The following VAV2 variants were observed in gnomAD, a reference collection of about 807,000 sequenced individuals.
VAV2 encodes guanine nucleotide exchange factor VAV2.
Under a neutral mutation model 132.5 loss-of-function variants are expected in VAV2, and 67 were observed. That is an observed-to-expected ratio of 0.51 (90% CI 0.42 to 0.62). The LOEUF is 0.62. Ranked by LOEUF, VAV2 falls within the 20% of genes least tolerant of loss-of-function variation. The pLI is 0.00. For missense variants in VAV2, 938 were observed against 1,153.6 expected (o/e 0.81, Z 2.71); for synonymous variants, 492 against 443.5 (o/e 1.11, Z -1.37).
At chr9:133,861,476 C>T (rs1243389611) in intron 2 of VAV2, 44 bp from the exon 3 acceptor site, 1 of 1,604,888 alleles carries the variant, frequency 6.2e-7, no homozygotes, top group East Asian at 2.2e-5. Context: ...TCACAAGAAA[C>T]CAGAAAGGCA....
chr9:133,895,218 T>G (rs1264843848), intron 2 of VAV2, among the ~76,000 whole-genome samples: 1 of 151,496 alleles, frequency 6.6e-6, no homozygotes, highest in Non-Finnish European at 1.5e-5. Context: ...TCTATGGAGA[T>G]CTCTGAGGGC....
rs1279512680 is a variant in VAV2 at position 133,863,371 on chromosome 9, G to A, written c.322-1939C>T. Among the ~76,000 whole-genome samples the A allele has an allele frequency of 1.3e-5, 2 of 152,190 alleles. No homozygotes were observed. Among genetic ancestry groups the A allele is most frequent in the African/African-American group, 4.8e-5 (2 of 41,444 alleles). On this transcript the variant is annotated intron_variant, in intron 2 of 29. Coordinates refer to ENST00000371850, the MANE Select transcript of VAV2 (RefSeq NM_001134398.2). The surrounding 1 kb of genome is among the most constrained non-coding windows in gnomAD (Gnocchi z 5.0). Reference sequence around the variant, plus strand: ...GCATTCGGTCAGCGCTGACACACAAGAACCTGTTTGTCAACCTGGAGTCAG... The same window carrying A: ...GCATTCGGTCAGCGCTGACACACAAAAACCTGTTTGTCAACCTGGAGTCAG...
In VAV2 at chr9:133,879,319, T is replaced by C. The variant is rs1203905133; in HGVS notation, c.322-17887A>G. 7.9e-6 allele frequency among the ~76,000 whole-genome samples: 1 copy of C among 126,622 alleles called. No homozygotes were observed. 83.1% of individuals were successfully genotyped at this position (126,622 alleles called of 152,430 possible). ...GCTCCAAGGAACCAGCAGGGTGTGA[T>C]CAATGCCGCAGGGTAAAGAACAGAG... On this transcript the variant is annotated intron_variant, in intron 2 of 29. Coordinates refer to ENST00000371850, the MANE Select transcript of VAV2 (RefSeq NM_001134398.2). The surrounding 1 kb of genome is among the most constrained non-coding windows in gnomAD (Gnocchi z 4.4).
At chr9:133,779,045 CTCA>C (rs1323348306) in intron 21 of VAV2, among the ~76,000 whole-genome samples, 156 bp from the exon 22 acceptor site, 1 of 152,274 alleles carries the variant, frequency 6.6e-6, no homozygotes, top group Non-Finnish European at 1.5e-5. Context: ...TCCCATAAGC[CTCA>C]TGTCTTTTTG....
At chr9:133,920,960 G>A (rs891214750) in intron 2 of VAV2, among the ~76,000 whole-genome samples, 8 of 152,346 alleles carry the variant, frequency 5.3e-5, no homozygotes, top group Admixed American at 1.3e-4. Flanking sequence ...CCCTGCTATC[G>A]TGCGGGATCA....
chr9:133,906,756 C>T lies in VAV2; in HGVS notation c.321+32347G>A, dbSNP rs146507909. Among the ~76,000 whole-genome samples the T allele has an allele frequency of 1.6e-3, 243 of 152,336 alleles. 1 individual carries two copies. Among genetic ancestry groups the T allele is most frequent in the African/African-American group, 5.6e-3 (233 of 41,582 alleles). ...GAACCACAGACACAAAACCCAGTGG[C>T]GCCTGGAGAGCTGGGGGCAGCGGGG... On this transcript the variant is annotated intron_variant, in intron 2 of 29. Transcript: ENST00000371850.
At chr9:133,930,426 TCC>T (rs2132105366) in intron 2 of VAV2, among the ~76,000 whole-genome samples, 3 of 83,128 alleles carry the variant, frequency 3.6e-5, no homozygotes, top group African/African-American at 1.2e-4. Flanking sequence ...CTCACTGTCC[TCC>T]GGCATCCTCA....
At chr9:133,873,197 C>T (rs923660347) in intron 2 of VAV2, among the ~76,000 whole-genome samples, 5 of 152,056 alleles carry the variant, frequency 3.3e-5, no homozygotes, top group African/African-American at 1.2e-4. Flanking sequence ...CTGTGCTGGG[C>T]ATGTGAGGGA....
intron 6 of VAV2, 58 bp from the exon 7 acceptor site, chr9:133,809,196 C>A: frequency 1.4e-6 from 2 of 1,451,590 alleles, no homozygotes; most frequent in South Asian, 1.2e-5. Context: ...CTGCCACCTG[C>A]ACATCTGCAC....
intron 2 of VAV2, among the ~76,000 whole-genome samples, chr9:133,906,168 C>G (rs1044125094): frequency 2.6e-5 from 4 of 152,228 alleles, no homozygotes; most frequent in African/African-American, 9.6e-5. Context: ...GGTGCTGGCC[C>G]CTCCATGGCC....
chr9:133,780,312 C>T (rs1034564265), intron 20 of VAV2, among the ~76,000 whole-genome samples: 1 of 152,158 alleles, frequency 6.6e-6, no homozygotes, highest in African/African-American at 2.4e-5. Context: ...TTCATGTGGA[C>T]CCCATAGCTC....
Position 133,863,656 on chromosome 9 carries a change from G to T in VAV2, c.322-2224C>A, listed in dbSNP as rs752587233. 6.6e-6 allele frequency among the ~76,000 whole-genome samples: 1 copy of T among 152,152 alleles called. No individual in the cohort carries two copies. The highest frequency in any genetic ancestry group is 1.5e-5 in the Non-Finnish European group (1 of 68,022). On this transcript the variant is annotated intron_variant, in intron 2 of 29. Transcript: ENST00000371850. This position sits in a 1 kb window ranked among gnomAD's most constrained non-coding sequence, Gnocchi z 5.0. ...CTCTGGAGGGCCTGCAGCATCGATG[G>T]GGCAGCCCCTTCCATGGGTTCAGCA... is the stretch of plus-strand genomic sequence containing the variant.
chr9:133,968,441 G>A lies in VAV2; in HGVS notation c.204+23634C>T, dbSNP rs546432163. ...GTGGGGGGGAAAAACACCACCAAAA[G>A]GCAAGAGAGGCTCAGAGATGCAGTT... is the stretch of plus-strand genomic sequence containing the variant. On this transcript the variant is annotated intron_variant, in intron 1 of 29. Coordinates refer to ENST00000371850, the MANE Select transcript of VAV2 (RefSeq NM_001134398.2). 2.0e-5 allele frequency among the ~76,000 whole-genome samples: 3 copies of A among 152,180 alleles called. No homozygotes were observed. The South Asian group carries it at 6.2e-4, about 32-fold the overall frequency.
At position 133,857,010 on chromosome 9, in the gene VAV2, G is replaced by A. The variant is rs1349164381; in HGVS notation, c.380+4364C>T. 6.6e-6 allele frequency among the ~76,000 whole-genome samples: 1 copy of A among 152,168 alleles called. No individual in the cohort carries two copies. The highest frequency in any genetic ancestry group is 1.5e-5 in the Non-Finnish European group (1 of 68,034). The stretch of plus-strand genomic sequence containing the variant: ...GAGCAACCCCGCGAGGCAGAGTCAT[G>A]CTCCCAGCCTACAGAAGAGACAAAG... On this transcript the variant is annotated intron_variant, in intron 3 of 29. Transcript: ENST00000371850. The surrounding 1 kb of genome is among the most constrained non-coding windows in gnomAD (Gnocchi z 4.0).
chr9:133,949,300 C>T (rs113266959), intron 1 of VAV2, among the ~76,000 whole-genome samples: 1,603 of 152,290 alleles, frequency 0.011, 27 homozygotes, highest in African/African-American at 0.037. Context: ...GACCCAATTC[C>T]GGTGCCTTCC....
chr9:133,864,301 C>T lies in VAV2; in HGVS notation c.322-2869G>A, dbSNP rs140081429. On this transcript the variant is annotated intron_variant, in intron 2 of 29. Transcript: ENST00000371850. ...AAGAGGAATGATGTGCCACTCAAAA[C>T]GACCAGGCATGCTGGGGAGCCCACC... Among the ~76,000 whole-genome samples the T allele has an allele frequency of 2.7e-3, 407 of 152,312 alleles. 2 individuals carry two copies. The highest frequency in any genetic ancestry group is 8.9e-3 in the African/African-American group (372 of 41,566).
At chr9:133,900,763 C>CTTGA (rs373328686) in intron 2 of VAV2, among the ~76,000 whole-genome samples, 32 of 136,716 alleles carry the variant, frequency 2.3e-4, no homozygotes, top group South Asian at 1.2e-3. Flanking sequence ...TACCTCCTGT[C>CTTGA]TTGATTTATT....
chr9:133,875,872 G>C (rs968541855), intron 2 of VAV2, among the ~76,000 whole-genome samples: 1 of 152,250 alleles, frequency 6.6e-6, no homozygotes, highest in Admixed American at 6.5e-5. Context: ...ACCAGCATCT[G>C]AGTCGGCAGC....
chr9:133,780,656 G>A (rs1462585459), intron 20 of VAV2, 38 bp downstream of exon 20: 11 of 1,295,264 alleles, frequency 8.5e-6, no homozygotes, highest in Non-Finnish European at 9.9e-6. Flanking sequence ...ATGTGGCGGG[G>A]GTGGGGCAGA....
Sources: gnomAD v4.1 joint callset for allele counts (sites outside exome capture counted in the v4.1 genomes callset) on GRCh38, gnomAD v4.1.1 for gene constraint, Gnocchi (gnomAD v3.1) non-coding constraint, MANE v1.5 for transcripts, NCBI Gene and HGNC (gene_info 2026-07-23, HGNC 2026-07-21) for gene names.